DISC1: variants seen among roughly 807,000 people sequenced by gnomAD.
DISC1 encodes the protein DISC1 scaffold protein, also known as disrupted in schizophrenia 1 protein.
DISC1 carries 57 observed loss-of-function variants against 84.5 expected under a neutral mutation model. The observed-to-expected ratio is 0.67, with a 90% confidence interval of 0.55 to 0.84. The LOEUF is 0.84. DISC1 is among the 40% of genes least tolerant of loss of function. The pLI, the probability that DISC1 is intolerant of heterozygous loss-of-function variation, is 0.00. For synonymous variants in DISC1, 411 were observed against 415.2 expected (o/e 0.99, Z 0.12); for missense variants, 1,000 against 1,057.8 (o/e 0.95, Z 0.76).
intron 12 of DISC1, among the ~76,000 whole-genome samples, chr1:232,030,136 A>G (rs1669865078): frequency 6.6e-6 from 1 of 152,178 alleles, no homozygotes; most frequent in East Asian, 1.9e-4. Context: ...TGAGAAGGGG[A>G]CAGGAGGTGT....
chr1:231,935,519 T>C (rs1209550086), intron 9 of DISC1, among the ~76,000 whole-genome samples: 2 of 152,214 alleles, frequency 1.3e-5, no homozygotes, highest in Non-Finnish European at 2.9e-5. Flanking sequence ...ACGTAATCAG[T>C]GTAAACCCTT....
At chr1:232,007,963 C>A (rs1667663307) in intron 10 of DISC1, among the ~76,000 whole-genome samples, 1 of 152,132 alleles carries the variant, frequency 6.6e-6, no homozygotes, top group Admixed American at 6.5e-5. Flanking sequence ...GGCTCTTTCC[C>A]CCTGCGTTCT....
chr1:231,710,018 T>C (rs1186567126), intron 3 of DISC1, among the ~76,000 whole-genome samples: 2 of 152,094 alleles, frequency 1.3e-5, no homozygotes, highest in Non-Finnish European at 2.9e-5. Flanking sequence ...CCTCAGCTGC[T>C]CCATAGAAGG....
chr1:231,830,659 T>C (rs1454553049), intron 9 of DISC1, among the ~76,000 whole-genome samples: 1 of 152,074 alleles, frequency 6.6e-6, no homozygotes, highest in Non-Finnish European at 1.5e-5. Context: ...GACAAGTTTT[T>C]TGGGGCACAG....
intron 10 of DISC1, among the ~76,000 whole-genome samples, chr1:231,991,166 C>T (rs1322667133): frequency 6.6e-6 from 1 of 152,230 alleles, no homozygotes; most frequent in Non-Finnish European, 1.5e-5. Flanking sequence ...ACTCTTTGAC[C>T]TACACATTTG....
rs545070188 is a variant in DISC1, at chr1:231,874,779, C to T, written c.1981+56262C>T. On this transcript the variant is annotated intron_variant, in intron 9 of 12. Transcript: ENST00000439617. ...ACAAAAAATTAGCCAGGCGTGGTGG[C>T]GGGTGCCTGTAATCCCAGCTACTCG... Among the ~76,000 whole-genome samples, 14 of 151,728 alleles carry T rather than the reference C, an allele frequency of 9.2e-5. No homozygotes were observed. In the South Asian group the frequency reaches 1.5e-3, roughly 16 times the overall value.
rs146084383 is a variant in DISC1 at position 232,008,024 on chromosome 1, A to C, written c.2043-761A>C. Among the ~76,000 whole-genome samples the C allele has an allele frequency of 4.8e-3, 723 of 152,120 alleles. 5 individuals carry two copies. Among genetic ancestry groups the C allele is most frequent in the African/African-American group, 0.016 (683 of 41,498 alleles). ...GAAGAAGGTGCCTTGCTTCCCCTTCACCTTCTGCCATGATTGTCAGTTTCT... is the reference window on the plus strand; with the variant it reads ...GAAGAAGGTGCCTTGCTTCCCCTTCCCCTTCTGCCATGATTGTCAGTTTCT... On this transcript the variant is annotated intron_variant, in intron 10 of 12. Transcript: ENST00000439617.
At chr1:232,008,132 T>C (rs1295941349) in intron 10 of DISC1, among the ~76,000 whole-genome samples, 1 of 152,184 alleles carries the variant, frequency 6.6e-6, no homozygotes, top group Middle Eastern at 3.2e-3. Context: ...CAGTTCTTTT[T>C]AGCAGAATGA....
intron 10 of DISC1, among the ~76,000 whole-genome samples, chr1:231,985,372 G>C (rs1032400027): frequency 6.8e-6 from 1 of 147,958 alleles, no homozygotes; most frequent in Non-Finnish European, 1.5e-5. Context: ...AAATAAAGTA[G>C]TACCCCCTTC....
chr1:231,848,036 G>A (rs988033165), intron 9 of DISC1, among the ~76,000 whole-genome samples: 9 of 152,332 alleles, frequency 5.9e-5, no homozygotes, highest in African/African-American at 1.9e-4. Context: ...TTCATCAAAA[G>A]GAGGCAGTTT....
chr1:231,768,784 G>A (rs1488890840), intron 5 of DISC1, among the ~76,000 whole-genome samples: 1 of 152,214 alleles, frequency 6.6e-6, no homozygotes, highest in Non-Finnish European at 1.5e-5. Context: ...CAACTGGTAT[G>A]TTATAGGGTG....
intron 6 of DISC1, among the ~76,000 whole-genome samples, chr1:231,779,585 G>A (rs1227705700): frequency 1.6e-5 from 2 of 126,062 alleles, no homozygotes; most frequent in Non-Finnish European, 3.2e-5. Context: ...TTTTAAGATG[G>A]AGTCTCGCTC....
At chr1:231,869,864 G>T (rs1373074013) in intron 9 of DISC1, among the ~76,000 whole-genome samples, 3 of 152,036 alleles carry the variant, frequency 2.0e-5, no homozygotes, top group Non-Finnish European at 4.4e-5. Context: ...TCCTGAGAGG[G>T]GTCTTGCCTT....
chr1:231,790,412 G>A (rs145785901), intron 6 of DISC1, among the ~76,000 whole-genome samples: 27 of 152,122 alleles, frequency 1.8e-4, no homozygotes, highest in African/African-American at 5.1e-4. Context: ...AGCAGGGTTG[G>A]TTTCTTCTGA....
At chr1:231,629,161 T>G in intron 1 of DISC1, among the ~76,000 whole-genome samples, 1 of 152,244 alleles carries the variant, frequency 6.6e-6, no homozygotes, top group East Asian at 1.9e-4. Context: ...ACTATCTTCT[T>G]GTAAAACAAA....
At chr1:231,838,385 T>C (rs1015114568) in intron 9 of DISC1, among the ~76,000 whole-genome samples, 2 of 152,202 alleles carry the variant, frequency 1.3e-5, no homozygotes, top group Non-Finnish European at 2.9e-5. Context: ...AATGAATTTG[T>C]TATTTTTTAA....
chr1:231,788,589 A>T (rs1420757991), intron 6 of DISC1, among the ~76,000 whole-genome samples: 1 of 152,184 alleles, frequency 6.6e-6, no homozygotes, highest in Non-Finnish European at 1.5e-5. Flanking sequence ...TGTGGAGAAC[A>T]CAATTCAACA....
chr1:231,868,497 C>T (rs2085212859), intron 9 of DISC1, among the ~76,000 whole-genome samples: 1 of 151,780 alleles, frequency 6.6e-6, no homozygotes, highest in Admixed American at 6.6e-5. Flanking sequence ...CTAATCAAAC[C>T]TTATTTTTTT....
intron 6 of DISC1, among the ~76,000 whole-genome samples, chr1:231,771,971 T>G (rs372442781): frequency 1.5e-4 from 1 of 6,752 alleles, no homozygotes; most frequent in Non-Finnish European, 8.3e-4. Context: ...CATCTGGCTA[T>G]TTTTTTTTTT....
Sources: allele counts gnomAD v4.1 joint callset (sites outside exome capture counted in the v4.1 genomes callset), GRCh38; gene constraint gnomAD v4.1.1; transcripts MANE v1.5; gene names NCBI Gene and HGNC (gene_info 2026-07-23, HGNC 2026-07-21).